Variants in FAM83B observed in about 807,000 individuals in gnomAD.
FAM83B encodes protein FAM83B.
A neutral mutation model predicts 38.8 loss-of-function variants in FAM83B; 26 were observed. The ratio of observed to expected loss-of-function variants is 0.67; its 90% CI spans 0.49 to 0.93. The LOEUF (loss-of-function observed/expected upper bound fraction) is 0.93. Ranked by LOEUF, FAM83B falls within the 40% of genes least tolerant of loss-of-function variation. The pLI is 0.00. For synonymous variants in FAM83B, 419 were observed against 423.1 expected (o/e 0.99, Z 0.12); for missense variants, 1,237 against 1,197.3 (o/e 1.03, Z -0.49).
chr6:54,931,619 T>G (rs1380847870), intron 4 of FAM83B, among the ~76,000 whole-genome samples: 2 of 152,148 alleles, frequency 1.3e-5, no homozygotes, highest in Non-Finnish European at 2.9e-5. Context: ...CAGCAATTCC[T>G]GCTTTCTCTT....
chr6:54,905,339 A>T (rs541796827), intron 2 of FAM83B, among the ~76,000 whole-genome samples: 1 of 152,264 alleles, frequency 6.6e-6, no homozygotes, highest in African/African-American at 2.4e-5. Flanking sequence ...GATTGTGCTG[A>T]AAGGACTAAA....
At chr6:54,914,071 C>T (rs1015955978) in intron 2 of FAM83B, among the ~76,000 whole-genome samples, 14 of 152,208 alleles carry the variant, frequency 9.2e-5, no homozygotes, top group Non-Finnish European at 8.8e-5. Flanking sequence ...CTGGTCCACA[C>T]ATTGCATTTT....
rs769196988 is a variant in FAM83B at position 54,940,238 on chromosome 6, C to T, written c.1267C>T (p.Leu423Phe). 3 of 1,614,070 alleles carry T rather than the reference C, an allele frequency of 1.9e-6. No homozygotes were observed. Among genetic ancestry groups the T allele is most frequent in the Middle Eastern group, 1.7e-4 (1 of 6,058 alleles). Residue 423 changes from leucine (L) to phenylalanine (F), a missense_variant, in exon 5 of 5, where the codon CTC (leucine) becomes TTC (phenylalanine). Coordinates refer to ENST00000306858, the MANE Select transcript of FAM83B (RefSeq NM_001010872.3). ...PGNWKKPSDS[L>F]SVASSSREGY... ...TAATTGGAAAAAGCCATCTGATAGTCTCAGTGTGGCGTCCTCATCACGGGA... is the reference window on the plus strand; with the variant it reads ...TAATTGGAAAAAGCCATCTGATAGTTTCAGTGTGGCGTCCTCATCACGGGA...
intron 1 of FAM83B, among the ~76,000 whole-genome samples, chr6:54,855,798 G>T (rs1771433698): frequency 6.6e-6 from 1 of 152,168 alleles, no homozygotes; most frequent in Non-Finnish European, 1.5e-5. Flanking sequence ...AAGTATGTGT[G>T]TGGATGTATC....
chr6:54,846,593 G>C (rs1016726934), upstream of FAM83B, among the ~76,000 whole-genome samples: 8 of 152,152 alleles, frequency 5.3e-5, no homozygotes, highest in African/African-American at 1.9e-4. Flanking sequence ...GGTTTGGCGT[G>C]CCACCACTTG....
At chr6:54,896,071 TA>T (rs1302132067) in intron 2 of FAM83B, among the ~76,000 whole-genome samples, 1 of 152,120 alleles carries the variant, frequency 6.6e-6, no homozygotes, top group Non-Finnish European at 1.5e-5. Context: ...TTTGTATTTT[TA>T]GTAGAGACAG....
Position 54,939,816 on chromosome 6 carries a change from T to C in FAM83B, c.845T>C (p.Val282Ala). 6.2e-7 allele frequency: 1 copy of C among 1,614,018 alleles called. No homozygotes were observed. Among genetic ancestry groups the C allele is most frequent in the Non-Finnish European group, 8.5e-7 (1 of 1,179,964 alleles). The change falls in exon 5 of 5, where the codon GTC (valine) becomes GCC (alanine). Residue 282 changes from valine to alanine, a missense_variant. Coordinates refer to ENST00000306858, the MANE Select transcript of FAM83B (RefSeq NM_001010872.3). ...AGAACTCTCTATGCCAGATCCTGTG[T>C]CCCTAGTTCATTTGCTCAGGAAGAA... ...EFRTLYARSC[V>A]PSSFAQEESA...
rs113613081 is a variant in FAM83B, at chr6:54,870,814, A to G, written c.444+124A>G. On this transcript the variant is annotated intron_variant, in intron 2 of 4. Coordinates refer to ENST00000306858, the MANE Select transcript of FAM83B (RefSeq NM_001010872.3). ...TGTATAGGCCATGCCTATTGTTTTT[A>G]GGAAAGTACCTATGGATACACAGGA... 695 of 935,862 alleles carry G rather than the reference A, an allele frequency of 7.4e-4. 2 individuals are homozygous for G. In the African/African-American group the frequency reaches 0.011, roughly 14 times the overall value. The allele number at this position is 935,862 out of a possible 1,614,324, so 58.0% of individuals were successfully genotyped here. A position where few individuals can be genotyped will look rare whatever the true frequency, so the allele number is the denominator to read the frequency against.
intron 2 of FAM83B, among the ~76,000 whole-genome samples, chr6:54,898,149 T>G (rs1041133917): frequency 2.0e-5 from 3 of 152,196 alleles, no homozygotes; most frequent in African/African-American, 7.2e-5. Context: ...TTTCTAAGAA[T>G]CCAGTATAGC....
chr6:54,856,583 CTTTAT>C (rs1408851240), intron 1 of FAM83B, among the ~76,000 whole-genome samples: 1 of 140,978 alleles, frequency 7.1e-6, no homozygotes, highest in Non-Finnish European at 1.5e-5. Flanking sequence ...ATATATATTT[CTTTAT>C]TTATCTCTTA....
Position 54,942,881 on chromosome 6 carries a change from TCTTG to T in FAM83B, c.*880_*883del, listed in dbSNP as rs1773736404. ...AGATTGGCATGACAATGCTAAGGGG[TCTTG>T]CTTGCGAAAATTCTTGCTCTTTTTT... On this transcript the variant is annotated 3_prime_UTR_variant, in exon 5 of 5. Coordinates refer to ENST00000306858, the MANE Select transcript of FAM83B (RefSeq NM_001010872.3). Among the ~76,000 whole-genome samples, 1 of 151,600 alleles carries T rather than the reference TCTTG, an allele frequency of 6.6e-6. No individual in the cohort carries two copies. The highest frequency in any genetic ancestry group is 1.5e-5 in the Non-Finnish European group (1 of 67,978).
chr6:54,929,209 C>T (rs1181806742), intron 4 of FAM83B, among the ~76,000 whole-genome samples: 3 of 152,012 alleles, frequency 2.0e-5, no homozygotes, highest in African/African-American at 4.8e-5. Flanking sequence ...AATATTCGAA[C>T]GAGATGTGGT....
At chr6:54,906,388 T>C (rs1013078762) in intron 2 of FAM83B, among the ~76,000 whole-genome samples, 1 of 152,112 alleles carries the variant, frequency 6.6e-6, no homozygotes, top group Non-Finnish European at 1.5e-5. Context: ...TTTATGCTTA[T>C]TTATTTATTT....
chr6:54,894,824 T>C (rs1394856259), intron 2 of FAM83B, among the ~76,000 whole-genome samples: 1 of 152,184 alleles, frequency 6.6e-6, no homozygotes, highest in Non-Finnish European at 1.5e-5. Flanking sequence ...GAAAAGACAC[T>C]GTGAGACAGC....
intron 2 of FAM83B, among the ~76,000 whole-genome samples, chr6:54,912,623 G>A (rs1041734253): frequency 6.6e-6 from 1 of 151,242 alleles, no homozygotes; most frequent in Non-Finnish European, 1.5e-5. Context: ...TTCATTTATC[G>A]TTAGTTGTTA....
chr6:54,852,658 G>A (rs1257393082), intron 1 of FAM83B, among the ~76,000 whole-genome samples: 1 of 152,226 alleles, frequency 6.6e-6, no homozygotes, highest in Admixed American at 6.5e-5. Context: ...CATGTTGAAA[G>A]CTGAGATAGG....
At chr6:54,935,550 A>G (rs1773508410) in intron 4 of FAM83B, among the ~76,000 whole-genome samples, 1 of 152,120 alleles carries the variant, frequency 6.6e-6, no homozygotes, top group Non-Finnish European at 1.5e-5. Context: ...GCAAGGGAAG[A>G]GCTATCCATA....
chr6:54,856,453 C>T (rs542654548), intron 1 of FAM83B, among the ~76,000 whole-genome samples: 185 of 152,266 alleles, frequency 1.2e-3, no homozygotes, highest in Middle Eastern at 3.4e-3. Flanking sequence ...GCCCTGCTGT[C>T]AGAAGAATTG....
At chr6:54,873,327 C>T (rs1449049654) in intron 2 of FAM83B, among the ~76,000 whole-genome samples, 2 of 151,938 alleles carry the variant, frequency 1.3e-5, no homozygotes, top group Non-Finnish European at 2.9e-5. Flanking sequence ...ATTAAGTAAT[C>T]TGGGGAAAAA....
Sources: allele counts gnomAD v4.1 joint callset (sites outside exome capture counted in the v4.1 genomes callset), GRCh38; gene constraint gnomAD v4.1.1; transcripts MANE v1.5; gene names NCBI Gene and HGNC (gene_info 2026-07-23, HGNC 2026-07-21).